Variants in FAM135B observed in about 807,000 individuals in gnomAD.
FAM135B encodes protein FAM135B.
Under a neutral mutation model 127.7 loss-of-function variants are expected in FAM135B, and 43 were observed. The ratio of observed to expected loss-of-function variants is 0.34; its 90% CI spans 0.26 to 0.43. FAM135B has a LOEUF of 0.43. Ranked by LOEUF, FAM135B falls within the 20% of genes least tolerant of loss-of-function variation. The pLI, the probability that FAM135B is intolerant of heterozygous loss-of-function variation, is 1.00. For synonymous variants in FAM135B, 670 were observed against 665.1 expected, an observed-to-expected ratio of 1.01 and a Z score of -0.11; for missense variants, 1,558 against 1,725.6, an observed-to-expected ratio of 0.90 and a Z score of 1.72.
chr8:138,371,534 C>T (rs540805784), intron 1 of FAM135B, among the ~76,000 whole-genome samples: 1 of 152,226 alleles, frequency 6.6e-6, no homozygotes, highest in Admixed American at 6.5e-5. Context: ...GAGAATGTAT[C>T]GTGATGAGTG....
intron 1 of FAM135B, among the ~76,000 whole-genome samples, chr8:138,436,434 G>T (rs1835463054): frequency 1.3e-5 from 2 of 152,164 alleles, no homozygotes; most frequent in Admixed American, 6.5e-5. Flanking sequence ...AATATTTGTA[G>T]AAATGTATTC....
chr8:138,136,136 T>G (rs1816642877), intron 19 of FAM135B, among the ~76,000 whole-genome samples: 1 of 152,032 alleles, frequency 6.6e-6, no homozygotes, highest in Non-Finnish European at 1.5e-5. Flanking sequence ...AATGCTATTT[T>G]ATGTATTAAA....
At chr8:138,133,743 G>A (rs1816390317) in intron 19 of FAM135B, among the ~76,000 whole-genome samples, 1 of 152,162 alleles carries the variant, frequency 6.6e-6, no homozygotes, top group African/African-American at 2.4e-5. Flanking sequence ...CATGCCACGT[G>A]AAGGAACTCA....
chr8:138,201,845 A>T (rs995897306), intron 7 of FAM135B, among the ~76,000 whole-genome samples: 1 of 151,810 alleles, frequency 6.6e-6, no homozygotes, highest in Non-Finnish European at 1.5e-5. Flanking sequence ...GCACCTCTCC[A>T]CTGAGTGCAG....
At chr8:138,159,442 A>G (rs929820584) in intron 12 of FAM135B, among the ~76,000 whole-genome samples, 1 of 151,254 alleles carries the variant, frequency 6.6e-6, no homozygotes, top group Non-Finnish European at 1.5e-5. Flanking sequence ...GGATGAATTC[A>G]TGTCCTTTGT....
At chr8:138,259,840 A>G (rs562105443) in intron 4 of FAM135B, among the ~76,000 whole-genome samples, 1 of 152,352 alleles carries the variant, frequency 6.6e-6, no homozygotes, top group African/African-American at 2.4e-5. Context: ...CATACAGCAC[A>G]TACCTTATAG....
At chr8:138,168,510 C>T (rs980711394) in intron 11 of FAM135B, among the ~76,000 whole-genome samples, 45 of 152,094 alleles carry the variant, frequency 3.0e-4, no homozygotes, top group Non-Finnish European at 4.4e-5. Context: ...AATACCTTTT[C>T]TATTGATTAT....
intron 11 of FAM135B, among the ~76,000 whole-genome samples, chr8:138,172,271 CT>C (rs1235313867): frequency 6.6e-6 from 1 of 152,194 alleles, no homozygotes; most frequent in African/African-American, 2.4e-5. Context: ...CCTGCCATCC[CT>C]GTAACTCCTC....
At position 138,223,386 on chromosome 8, in the gene FAM135B, G is replaced by A. The variant is rs116676866; in HGVS notation, c.669+19556C>T. On this transcript the variant is annotated intron_variant, in intron 7 of 19. Coordinates refer to ENST00000395297, the MANE Select transcript of FAM135B (RefSeq NM_015912.4). The stretch of plus-strand genomic sequence containing the variant: ...AACTGTAACCGTTGAAATGATAGGA[G>A]TGAGCAAAAAGATATTTGGGTCCCA... Among the ~76,000 whole-genome samples, 651 of 152,296 alleles carry A rather than the reference G, an allele frequency of 4.3e-3. 4 individuals carry two copies. The highest frequency in any genetic ancestry group is 0.015 in the African/African-American group (613 of 41,564).
chr8:138,340,093 C>T (rs1409971990), intron 2 of FAM135B, among the ~76,000 whole-genome samples: 1 of 152,152 alleles, frequency 6.6e-6, no homozygotes, highest in Admixed American at 6.5e-5. Context: ...CCGAAGCACA[C>T]GACTCAGCTG....
chr8:138,157,870 T>C (rs1222711403), intron 12 of FAM135B, among the ~76,000 whole-genome samples: 2 of 152,204 alleles, frequency 1.3e-5, no homozygotes, highest in African/African-American at 4.8e-5. Flanking sequence ...ATGGCCATAA[T>C]GCCCAAGGTA....
intron 7 of FAM135B, among the ~76,000 whole-genome samples, chr8:138,228,057 G>A (rs1819609811): frequency 6.6e-6 from 1 of 152,148 alleles, no homozygotes; most frequent in African/African-American, 2.4e-5. Context: ...AGCCATGCAT[G>A]TGACTGCATT....
intron 2 of FAM135B, among the ~76,000 whole-genome samples, chr8:138,329,724 T>A (rs1041044314): frequency 6.6e-6 from 1 of 152,124 alleles, no homozygotes; most frequent in Non-Finnish European, 1.5e-5. Context: ...GTTGTGAGGG[T>A]TCACGAAGCA....
Position 138,433,697 on chromosome 8 carries a change from T to G in FAM135B, c.-20+62974A>C, listed in dbSNP as rs1045962937. Among the ~76,000 whole-genome samples the G allele has an allele frequency of 3.1e-4, 47 of 152,170 alleles. 1 individual carries two copies. The highest frequency in any genetic ancestry group is 1.1e-3 in the African/African-American group (45 of 41,438). On this transcript the variant is annotated intron_variant, in intron 1 of 19. Transcript: ENST00000395297. ...AAATCTAGGATTCTACCCAAATCTC[T>G]TTGATGTTCAAGTTTATGACTTGTT...
At chr8:138,267,582 A>AC (rs1327966354) in intron 3 of FAM135B, among the ~76,000 whole-genome samples, 1 of 151,946 alleles carries the variant, frequency 6.6e-6, no homozygotes, top group Non-Finnish European at 1.5e-5. Flanking sequence ...AAAAAAAAAA[A>AC]AAAACAGCCC....
intron 7 of FAM135B, among the ~76,000 whole-genome samples, chr8:138,210,526 AG>A (rs1260378977): frequency 1.3e-5 from 2 of 152,202 alleles, no homozygotes; most frequent in Non-Finnish European, 2.9e-5. Context: ...TCATGGTGGA[AG>A]GTGAAGGGGA....
chr8:138,471,659 T>G (rs1411986081), intron 1 of FAM135B, among the ~76,000 whole-genome samples: 2 of 152,004 alleles, frequency 1.3e-5, no homozygotes, highest in East Asian at 3.9e-4. Context: ...GCAGGATGCA[T>G]GGAATTATAG....
intron 2 of FAM135B, among the ~76,000 whole-genome samples, chr8:138,344,416 C>T (rs982067563): frequency 1.2e-4 from 18 of 152,094 alleles, no homozygotes; most frequent in African/African-American, 4.1e-4. Context: ...GTCCCCACCT[C>T]GGGGTTGCAC....
intron 1 of FAM135B, among the ~76,000 whole-genome samples, chr8:138,424,783 T>C (rs1408554531): frequency 6.6e-6 from 1 of 152,100 alleles, no homozygotes; most frequent in Non-Finnish European, 1.5e-5. Flanking sequence ...ATAAATAAAC[T>C]GATGGGTAAA....
Sources: allele counts gnomAD v4.1 joint callset (sites outside exome capture counted in the v4.1 genomes callset), GRCh38; gene constraint gnomAD v4.1.1; transcripts MANE v1.5; gene names NCBI Gene and HGNC (gene_info 2026-07-23, HGNC 2026-07-21).